Variants in ATG4D observed in about 807,000 individuals in gnomAD.
ATG4D encodes autophagy related 4D cysteine peptidase, also known as cysteine protease ATG4D.
A neutral mutation model predicts 55.2 loss-of-function variants in ATG4D; 51 were observed. The observed-to-expected ratio is 0.92, with a 90% CI of 0.74 to 1.17. ATG4D has a LOEUF of 1.17. Ranked by LOEUF, ATG4D falls within the 50% of genes most tolerant of loss-of-function variation. The pLI, the probability that ATG4D is intolerant of heterozygous loss-of-function variation, is 0.00. For synonymous variants in ATG4D, 268 were observed against 266.2 expected (o/e 1.01, Z -0.07); for missense variants, 635 against 649.6 (o/e 0.98, Z 0.25).
At chr19:10,544,476 A>C (rs1344806296) in intron 1 of ATG4D, 151 bp downstream of exon 1, 1 of 925,482 alleles carries the variant, frequency 1.1e-6, no homozygotes, top group Non-Finnish European at 1.5e-6. Context: ...TGGCAGGTCC[A>C]ATAGTGTTTT....
At position 10,544,251 on chromosome 19, in the gene ATG4D, C is replaced by A; in HGVS notation, c.161C>A (p.Ala54Asp). Residue 54 changes from alanine to aspartate, a missense_variant, in exon 1 of 10, where the codon GCT (alanine) becomes GAT (aspartate). By Grantham distance (126) the Ala-to-Asp change is moderately radical. Coordinates refer to ENST00000309469, the MANE Select transcript of ATG4D (RefSeq NM_032885.6). ...GGCCCCGCTCTTGGCTCTCCCGGGG[C>A]TGGCCCGAGTGAGCCGGACGAAGTG... ...ASGPALGSPG[A>D]GPSEPDEVDK... 5 of 1,264,680 alleles carry A rather than the reference C, an allele frequency of 4.0e-6. No homozygotes were observed. The highest frequency in any genetic ancestry group is 5.0e-6 in the Non-Finnish European group (5 of 996,796). The allele number at this position is 1,264,680 out of a possible 1,614,324, so 78.3% of individuals were successfully genotyped here.
At chr19:10,547,360 C>T (rs1916072306) in intron 5 of ATG4D, 107 bp downstream of exon 5, 1 of 1,332,326 alleles carries the variant, frequency 7.5e-7, no homozygotes, top group African/African-American at 1.4e-5. Flanking sequence ...AGTTGTGGGG[C>T]AGAGGGACAC....
chr19:10,548,123 T>G (rs779999775), intron 5 of ATG4D, among the ~76,000 whole-genome samples: 1 of 145,896 alleles, frequency 6.9e-6, no homozygotes. Flanking sequence ...CTCCGCCTCC[T>G]GAGTTCGAGT....
Position 10,553,098 on chromosome 19 carries a change from T to C in ATG4D, c.*31T>C, listed in dbSNP as rs773377369. ...GGGGATGAGGGGAAAGATACAACAC[T>C]ATTTATTTTTTTATTTATGTCATGT... On this transcript the variant is annotated 3_prime_UTR_variant, in exon 10 of 10. Transcript: ENST00000309469. The C allele has an allele frequency of 7.1e-6, 11 of 1,557,264 alleles. No individual in the cohort carries two copies. In the South Asian group the frequency reaches 1.2e-4, roughly 18 times the overall value.
Position 10,544,674 on chromosome 19 carries a change from C to A in ATG4D, c.236-109C>A, listed in dbSNP as rs776737309. The A allele has an allele frequency of 1.3e-5, 20 of 1,535,940 alleles. 1 individual carries two copies. In the Admixed American group the frequency reaches 1.6e-4, roughly 13 times the overall value. ...TCCGACGGAATCCCCGGAGCCACCC[C>A]GGAGATAGGAACTAGGATCGTGCCC... On this transcript the variant is annotated intron_variant, in intron 1 of 9. Transcript: ENST00000309469.
Position 10,544,776 on chromosome 19 carries a change from TC to T in ATG4D, c.236-3del. 1 of 1,613,788 alleles carries T rather than the reference TC, an allele frequency of 6.2e-7. No homozygotes were observed. Among genetic ancestry groups the T allele is most frequent in the Non-Finnish European group, 8.5e-7 (1 of 1,179,928 alleles). On this transcript the variant is annotated splice_region_variant and splice_polypyrimidine_tract_variant and intron_variant, in intron 1 of 9. Coordinates refer to ENST00000309469, the MANE Select transcript of ATG4D (RefSeq NM_032885.6). ...TCTCGCTGGGCGCTGCCCCTACGTC[TC>T]CCCAGGTTGGGTGGTTAAAAGCCGG...
chr19:10,545,260 A>T, intron 3 of ATG4D, 130 bp downstream of exon 3: 1 of 1,261,810 alleles, frequency 7.9e-7, no homozygotes, highest in Non-Finnish European at 1.1e-6. Flanking sequence ...TTTTGGAGAG[A>T]TGAGAGTTGT....
At chr19:10,548,104 C>T (rs1916106718) in intron 5 of ATG4D, among the ~76,000 whole-genome samples, 2 of 137,614 alleles carry the variant, frequency 1.5e-5, no homozygotes, top group African/African-American at 5.5e-5. Context: ...AGTCTTGGCT[C>T]ACTGCAACCT....
In ATG4D at chr19:10,544,943, A is replaced by C; in HGVS notation, c.320-14A>C. On this transcript the variant is annotated splice_polypyrimidine_tract_variant and intron_variant, in intron 2 of 9. Coordinates refer to ENST00000309469, the MANE Select transcript of ATG4D (RefSeq NM_032885.6). ...GAGTGTCCCTGGTGGCAGCTGACAG[A>C]CCCGCTCTTGTAGGTGACATACAGC... 6.3e-7 allele frequency: 1 copy of C among 1,582,330 alleles called. No homozygotes were observed. The highest frequency in any genetic ancestry group is 8.6e-7 in the Non-Finnish European group (1 of 1,161,944).
intron 9 of ATG4D, among the ~76,000 whole-genome samples, chr19:10,552,611 G>A (rs1393683327): frequency 1.3e-5 from 2 of 152,158 alleles, no homozygotes; most frequent in African/African-American, 4.8e-5. Flanking sequence ...TTATGGGGGC[G>A]AGAGATGGCC....
chr19:10,549,818 G>A (rs939453282), intron 6 of ATG4D, among the ~76,000 whole-genome samples: 1 of 152,200 alleles, frequency 6.6e-6, no homozygotes, highest in African/African-American at 2.4e-5. Flanking sequence ...CAGGAGTTCT[G>A]AGTGTGCCTG....
chr19:10,551,844 A>C lies in ATG4D; in HGVS notation c.967-53A>C, dbSNP rs527822437. The C allele has an allele frequency of 2.5e-4, 400 of 1,577,994 alleles. 1 individual carries two copies. The highest frequency in any genetic ancestry group is 3.4e-4 in the Non-Finnish European group (390 of 1,150,476). On this transcript the variant is annotated intron_variant, in intron 6 of 9. Transcript: ENST00000309469. ...GGTTCTCACAGAGGAGGTGTTTGCCAAGCGTTTGTTGAGTGGCTGCCTGAC... is the reference window on the plus strand; with the variant it reads ...GGTTCTCACAGAGGAGGTGTTTGCCCAGCGTTTGTTGAGTGGCTGCCTGAC...
chr19:10,544,002 G>A lies in ATG4D; in HGVS notation c.-89G>A, dbSNP rs1315356362. 2 of 908,708 alleles carry A rather than the reference G, an allele frequency of 2.2e-6. No individual in the cohort carries two copies. Among genetic ancestry groups the A allele is most frequent in the Middle Eastern group, 3.9e-4 (1 of 2,568 alleles). The allele number at this position is 908,708 out of a possible 1,614,324, so 56.3% of individuals were successfully genotyped here. On this transcript the variant is annotated 5_prime_UTR_variant, in exon 1 of 10. Transcript: ENST00000309469. Reference sequence around the variant, plus strand: ...ACGGGGGCCGAGTAGCGCCTTCCCCGGGCCCCGTGAACCGGCTGCGGGTCG... The same window carrying A: ...ACGGGGGCCGAGTAGCGCCTTCCCCAGGCCCCGTGAACCGGCTGCGGGTCG...
intron 6 of ATG4D, among the ~76,000 whole-genome samples, chr19:10,550,332 A>T: frequency 6.6e-6 from 1 of 152,098 alleles, no homozygotes; most frequent in East Asian, 1.9e-4. Flanking sequence ...AAAAAACAGT[A>T]ACCCAATGAA....
chr19:10,548,003 ATTTTTTTTTTTTTTTTTTTTTTTTTTTT>A (rs60924749), intron 5 of ATG4D, among the ~76,000 whole-genome samples: 18 of 35,004 alleles, frequency 5.1e-4, no homozygotes, highest in East Asian at 1.1e-3. Flanking sequence ...AGCCCCTGTA[ATTTTTTTTTTTTTTTTTTTTTTTTTTTT>A]TTTTTTTTTT....
chr19:10,544,022 G>A lies in ATG4D; in HGVS notation c.-69G>A. On this transcript the variant is annotated 5_prime_UTR_variant, in exon 1 of 10. Transcript: ENST00000309469. ...TCCCCGGGCCCCGTGAACCGGCTGC[G>A]GGTCGCCCTTGGGGGGCAGCGGCCG... The A allele has an allele frequency of 1.8e-6, 2 of 1,102,318 alleles. No homozygotes were observed. Among genetic ancestry groups the A allele is most frequent in the South Asian group, 4.7e-5 (1 of 21,064 alleles). The allele number at this position is 1,102,318 out of a possible 1,614,324, so 68.3% of individuals were successfully genotyped here. A position where few individuals can be genotyped will look rare whatever the true frequency, so the allele number is the denominator to read the frequency against.
intron 3 of ATG4D, among the ~76,000 whole-genome samples, chr19:10,546,518 G>C (rs1442848957): frequency 6.6e-6 from 1 of 150,602 alleles, no homozygotes; most frequent in Non-Finnish European, 1.5e-5. Context: ...TCTACTTTTT[G>C]TATATTTTTT....
At chr19:10,546,639 C>G (rs911143080) in intron 3 of ATG4D, among the ~76,000 whole-genome samples, 200 bp from the exon 4 acceptor site, 1 of 151,970 alleles carries the variant, frequency 6.6e-6, no homozygotes, top group Non-Finnish European at 1.5e-5. Flanking sequence ...CAGGCATGAG[C>G]CACCGCGTCT....
At chr19:10,551,561 G>T (rs1054908555) in intron 6 of ATG4D, among the ~76,000 whole-genome samples, 27 of 152,008 alleles carry the variant, frequency 1.8e-4, no homozygotes, top group African/African-American at 6.5e-4. Flanking sequence ...TAACCCGGGT[G>T]TGGTGGCGGG....
Sources: allele counts gnomAD v4.1 joint callset (sites outside exome capture counted in the v4.1 genomes callset), GRCh38; gene constraint gnomAD v4.1.1; transcripts MANE v1.5; gene names NCBI Gene and HGNC (gene_info 2026-07-23, HGNC 2026-07-21).